MAN2A1: variants seen among roughly 807,000 people sequenced by gnomAD.
MAN2A1 encodes the protein alpha-mannosidase 2.
Under a neutral mutation model 142.6 loss-of-function variants are expected in MAN2A1, and 76 were observed. That is an observed-to-expected ratio of 0.53 (90% CI 0.44 to 0.65). The LOEUF is 0.65. Ranked by LOEUF, MAN2A1 falls within the 30% of genes least tolerant of loss-of-function variation. The probability of loss-of-function intolerance (pLI) is 0.00; values close to 1 mark genes in which losing one functional copy is unlikely to be tolerated. For missense variants in MAN2A1, 1,311 were observed against 1,365.1 expected (o/e 0.96, Z 0.62); for synonymous variants, 559 against 473.2 (o/e 1.18, Z -2.35).
At chr5:109,767,304 C>T (rs1288300925) in intron 5 of MAN2A1, among the ~76,000 whole-genome samples, 1 of 152,108 alleles carries the variant, frequency 6.6e-6, no homozygotes, top group African/African-American at 2.4e-5. Flanking sequence ...TTTATTTGAA[C>T]TCTAACTGAT....
At chr5:109,698,624 T>G (rs1448623973) in intron 1 of MAN2A1, among the ~76,000 whole-genome samples, 1 of 152,218 alleles carries the variant, frequency 6.6e-6, no homozygotes, top group Non-Finnish European at 1.5e-5. Flanking sequence ...CCTTTGCAGG[T>G]GGTGCCTTTG....
At chr5:109,820,026 T>C in intron 14 of MAN2A1, 139 bp downstream of exon 14, 1 of 808,540 alleles carries the variant, frequency 1.2e-6, no homozygotes, top group Non-Finnish European at 1.9e-6. Context: ...AGCATGAGCT[T>C]TTTGCACCTT....
At chr5:109,802,548 A>G (rs1754058954) in intron 12 of MAN2A1, among the ~76,000 whole-genome samples, 1 of 152,186 alleles carries the variant, frequency 6.6e-6, no homozygotes, top group South Asian at 2.1e-4. Flanking sequence ...ATTATAGCAG[A>G]AACCATTTTG....
chr5:109,759,583 A>T (rs1014839504), intron 5 of MAN2A1, among the ~76,000 whole-genome samples: 1 of 152,120 alleles, frequency 6.6e-6, no homozygotes, highest in African/African-American at 2.4e-5. Context: ...TTTTATGGGC[A>T]TATGTTTTCC....
intron 6 of MAN2A1, among the ~76,000 whole-genome samples, chr5:109,769,960 G>C (rs1283168740): frequency 6.6e-6 from 1 of 152,074 alleles, no homozygotes; most frequent in Non-Finnish European, 1.5e-5. Flanking sequence ...TAATATCATG[G>C]TATCTCTCAG....
intron 15 of MAN2A1, among the ~76,000 whole-genome samples, 158 bp from the exon 16 acceptor site, chr5:109,823,565 T>A (rs1250894575): frequency 6.6e-6 from 1 of 152,248 alleles, no homozygotes; most frequent in Non-Finnish European, 1.5e-5. Context: ...TCAGTTTTTA[T>A]CACATGCATA....
At chr5:109,735,632 A>G (rs531679914) in intron 4 of MAN2A1, among the ~76,000 whole-genome samples, 2 of 152,200 alleles carry the variant, frequency 1.3e-5, no homozygotes, top group Admixed American at 1.3e-4. Flanking sequence ...TGTTGCTCAC[A>G]CTGGGAGCTG....
chr5:109,788,934 A>G lies in MAN2A1; in HGVS notation c.1761A>G (p.Arg587=), dbSNP rs377578019. ...GACTAATAAAATTTTTGATTTACAG[A>G]CTTTTTCATTCGTTAATGGTTTTGG... ...KDWVVVDYGT[R]LFHSLMVLEK... is the part of the protein sequence containing the mutation. Residue 587 remains arginine (R), a splice_region_variant and synonymous_variant, in exon 11 of 22, where the codon AGA becomes AGG. Coordinates refer to ENST00000261483, the MANE Select transcript of MAN2A1 (RefSeq NM_002372.4). The G allele has an allele frequency of 3.2e-5, 47 of 1,451,984 alleles. No homozygotes were observed. Among genetic ancestry groups the G allele is most frequent in the Middle Eastern group, 3.5e-4 (2 of 5,736 alleles). The allele number at this position is 1,451,984 out of a possible 1,614,324, so 89.9% of individuals were successfully genotyped here.
intron 1 of MAN2A1, among the ~76,000 whole-genome samples, chr5:109,712,929 A>G (rs755412546): frequency 2.1e-4 from 32 of 152,338 alleles, no homozygotes; most frequent in African/African-American, 7.7e-4. Context: ...GTGAGGATCA[A>G]TGAAAAAAAT....
At chr5:109,806,716 G>A (rs1200487326) in intron 12 of MAN2A1, among the ~76,000 whole-genome samples, 1 of 152,120 alleles carries the variant, frequency 6.6e-6, no homozygotes, top group Non-Finnish European at 1.5e-5. Context: ...GGTATTTGCA[G>A]CAATCACTTA....
intron 1 of MAN2A1, among the ~76,000 whole-genome samples, chr5:109,694,985 G>C (rs1561463531): frequency 6.6e-6 from 1 of 152,208 alleles, no homozygotes; most frequent in Non-Finnish European, 1.5e-5. Context: ...GCGGAGATCT[G>C]TGCTTTTTGG....
At chr5:109,702,591 G>T (rs1263262361) in intron 1 of MAN2A1, among the ~76,000 whole-genome samples, 1 of 152,106 alleles carries the variant, frequency 6.6e-6, no homozygotes, top group Non-Finnish European at 1.5e-5. Context: ...TTGACCCTGG[G>T]CTACCTCTGG....
intron 4 of MAN2A1, among the ~76,000 whole-genome samples, chr5:109,742,490 C>G (rs1752297127): frequency 6.6e-6 from 1 of 152,192 alleles, no homozygotes; most frequent in East Asian, 1.9e-4. Flanking sequence ...CTTCCACTGT[C>G]TTCTCAACTA....
intron 16 of MAN2A1, among the ~76,000 whole-genome samples, chr5:109,830,132 A>G (rs915466998): frequency 1.3e-5 from 2 of 152,200 alleles, no homozygotes; most frequent in Non-Finnish European, 2.9e-5. Flanking sequence ...GACATGTTAC[A>G]ATAAGTAAGT....
chr5:109,789,003 C>G lies in MAN2A1; in HGVS notation c.1830C>G (p.Asp610Glu). ...CTGCATTTCTTCTTATTTTGAAGGA[C>G]AAACTCACATACGACTCTTACTCTC... The part of the protein sequence containing the change: ...GNSAFLLILK[D>E]KLTYDSYSPD... The change falls in exon 11 of 22, where the codon GAC (aspartate) becomes GAG (glutamate). Residue 610 changes from aspartate to glutamate, a missense_variant. By Grantham distance (45) the Asp-to-Glu change is conservative. Transcript: ENST00000261483. The G allele has an allele frequency of 6.2e-7, 1 of 1,604,450 alleles. No homozygotes were observed. The highest frequency in any genetic ancestry group is 1.1e-5 in the South Asian group (1 of 90,394).
chr5:109,796,944 A>G (rs1753879684), intron 12 of MAN2A1, among the ~76,000 whole-genome samples: 1 of 152,340 alleles, frequency 6.6e-6, no homozygotes, highest in South Asian at 2.1e-4. Flanking sequence ...ATGAGGGTAG[A>G]GAGCTTGTTT....
At chr5:109,754,067 C>G (rs1406185894) in intron 4 of MAN2A1, among the ~76,000 whole-genome samples, 3 of 151,934 alleles carry the variant, frequency 2.0e-5, no homozygotes, top group Non-Finnish European at 4.4e-5. Flanking sequence ...CACCACCACA[C>G]CTGGCTAACT....
rs1267008696 is a variant in MAN2A1, at chr5:109,774,771, G to GTT, written c.1197-15_1197-14dup. 3.2e-6 allele frequency: 5 copies of GTT among 1,579,604 alleles called. No homozygotes were observed. Among genetic ancestry groups the GTT allele is most frequent in the Non-Finnish European group, 4.3e-6 (5 of 1,168,336 alleles). The stretch of plus-strand genomic sequence containing the variant: ...AAATTCATATTTGCTGTTTTTTTGT[G>GTT]TTTGTTTTTTTTGTAGGGCTCGGAT... On this transcript the variant is annotated splice_polypyrimidine_tract_variant and intron_variant, in intron 7 of 21. Coordinates refer to ENST00000261483, the MANE Select transcript of MAN2A1 (RefSeq NM_002372.4).
intron 12 of MAN2A1, among the ~76,000 whole-genome samples, chr5:109,814,408 A>T (rs2112717025): frequency 6.6e-6 from 1 of 152,312 alleles, no homozygotes; most frequent in East Asian, 1.9e-4. Flanking sequence ...TTATTTCCAA[A>T]GGAAATATCT....
Sources: gnomAD v4.1 joint callset for allele counts (sites outside exome capture counted in the v4.1 genomes callset) on GRCh38, gnomAD v4.1.1 for gene constraint, MANE v1.5 for transcripts, NCBI Gene and HGNC (gene_info 2026-07-23, HGNC 2026-07-21) for gene names.